EYS: variants seen among roughly 807,000 people sequenced by gnomAD.
EYS encodes EGF-like photoreceptor maintenance factor, also known as protein eyes shut homolog.
Under a neutral mutation model 282.1 loss-of-function variants are expected in EYS, and 250 were observed. That is an observed-to-expected ratio of 0.89 (90% CI 0.80 to 0.98). The LOEUF (loss-of-function observed/expected upper bound fraction) is 0.98, where lower values mean the gene tolerates loss of function less well. Ranked by LOEUF, EYS falls within the 50% of genes least tolerant of loss-of-function variation. The pLI is 0.00. For missense variants in EYS, 4,016 were observed against 3,709.0 expected (o/e 1.08, Z -2.15); for synonymous variants, 1,355 against 1,282.9 (o/e 1.06, Z -1.20).
At chr6:63,929,315 T>C (rs1403994870) in intron 35 of EYS, among the ~76,000 whole-genome samples, 1 of 152,206 alleles carries the variant, frequency 6.6e-6, no homozygotes, top group African/African-American at 2.4e-5. Flanking sequence ...CTGTGTCAAC[T>C]GCTATTTTCT....
chr6:64,820,057 G>C (rs763310490), intron 21 of EYS, among the ~76,000 whole-genome samples: 6 of 152,000 alleles, frequency 3.9e-5, no homozygotes, highest in Non-Finnish European at 7.4e-5. Flanking sequence ...CATTTAATAG[G>C]ATCTAGGTAA....
chr6:65,340,489 T>C (rs542644805), intron 10 of EYS, among the ~76,000 whole-genome samples: 1 of 151,302 alleles, frequency 6.6e-6, no homozygotes, highest in East Asian at 2.0e-4. Context: ...CTATTTACTC[T>C]ATGAAATACT....
At chr6:64,246,018 CAAAAAAAAAAAAAAA>C (rs60121734) in intron 30 of EYS, among the ~76,000 whole-genome samples, 4 of 56,212 alleles carry the variant, frequency 7.1e-5, no homozygotes, top group Admixed American at 3.4e-4. Context: ...AACTCCGTCT[CAAAAAAAAAAAAAAA>C]AAAAAAAAAA....
At chr6:63,858,085 T>C in intron 36 of EYS, among the ~76,000 whole-genome samples, 1 of 152,144 alleles carries the variant, frequency 6.6e-6, no homozygotes, top group Non-Finnish European at 1.5e-5. Context: ...GGTCAGCCTG[T>C]TCAAAGAGCT....
In EYS at chr6:65,008,463, TAAAAA is replaced by T. The variant is rs34508454; in HGVS notation, c.2138-10765_2138-10761del. The stretch of plus-strand genomic sequence containing the variant: ...AGCAGGTGGAACAGGACAAATGGGA[TAAAAA>T]AAAAGGCTACCGCTTTAGTCATGGC... On this transcript the variant is annotated intron_variant, in intron 13 of 42. Transcript: ENST00000503581. 5.6e-4 allele frequency among the ~76,000 whole-genome samples: 85 copies of T among 151,140 alleles called. 1 individual carries two copies. The highest frequency in any genetic ancestry group is 2.1e-3 in the African/African-American group (85 of 41,242).
rs1363047522 is a variant in EYS, at chr6:64,626,150, A to T, written c.3539T>A (p.Ile1180Asn). The T allele has an allele frequency of 6.5e-7, 1 of 1,546,642 alleles. No individual in the cohort carries two copies. The highest frequency in any genetic ancestry group is 2.0e-5 in the Admixed American group (1 of 50,460). The stretch of plus-strand genomic sequence containing the variant: ...TTGGCATTTGCAAACATATCCATTG[A>T]TGTGATCTTCACAGTCTGCACCATG... ...CLHGADCEDHINGYVCKCQPG... is the reference protein window; with the variant it reads ...CLHGADCEDHNNGYVCKCQPG... Residue 1180 changes from isoleucine to asparagine, a missense_variant, in exon 23 of 43, where the codon ATC becomes AAC. Ile to Asn is a moderately radical substitution (Grantham distance 149). Transcript: ENST00000503581.
At chr6:65,523,345 C>A (rs1767441862) in intron 2 of EYS, among the ~76,000 whole-genome samples, 1 of 151,996 alleles carries the variant, frequency 6.6e-6, no homozygotes, top group Admixed American at 6.6e-5. Context: ...TACTATTCAG[C>A]CTGAAAAAAC....
chr6:65,007,286 C>G (rs1771704811), intron 13 of EYS, among the ~76,000 whole-genome samples: 1 of 152,116 alleles, frequency 6.6e-6, no homozygotes, highest in South Asian at 2.1e-4. Context: ...GTCCTTTTAT[C>G]AGATGGGAAA....
At chr6:64,328,459 T>C (rs901538304) in intron 29 of EYS, among the ~76,000 whole-genome samples, 2 of 152,056 alleles carry the variant, frequency 1.3e-5, no homozygotes, top group African/African-American at 4.8e-5. Context: ...ATTGGAAAAG[T>C]CTCAGAGGTC....
At chr6:64,738,983 G>A (rs1162989654) in intron 22 of EYS, among the ~76,000 whole-genome samples, 1 of 152,068 alleles carries the variant, frequency 6.6e-6, no homozygotes, top group Non-Finnish European at 1.5e-5. Context: ...CCTGACCTTA[G>A]GTGGTCAGCC....
intron 35 of EYS, among the ~76,000 whole-genome samples, chr6:63,929,936 A>G (rs1360579281): frequency 2.0e-5 from 3 of 152,206 alleles, no homozygotes; most frequent in Non-Finnish European, 2.9e-5. Context: ...CCTATTAGTT[A>G]TCATTGTACT....
At position 64,140,703 on chromosome 6, in the gene EYS, C is replaced by T. The variant is rs532137955; in HGVS notation, c.6425-58701G>A. On this transcript the variant is annotated intron_variant, in intron 31 of 42. Coordinates refer to ENST00000503581, the MANE Select transcript of EYS (RefSeq NM_001142800.2). ...CAGGCAGTCCTTTCTACACAGCTGG[C>T]TCTCTCACTATAGGTTTTGGCAACT... 7.0e-4 allele frequency among the ~76,000 whole-genome samples: 107 copies of T among 152,216 alleles called. 1 individual carries two copies. The highest frequency in any genetic ancestry group is 4.4e-3 in the Admixed American group (67 of 15,296).
At chr6:64,169,746 T>G (rs1764419735) in intron 31 of EYS, among the ~76,000 whole-genome samples, 1 of 151,970 alleles carries the variant, frequency 6.6e-6, no homozygotes, top group African/African-American at 2.4e-5. Context: ...TCCGGGCCCA[T>G]GGGAGTCTGC....
intron 12 of EYS, among the ~76,000 whole-genome samples, chr6:65,182,039 C>T (rs947474938): frequency 3.3e-5 from 5 of 151,720 alleles, no homozygotes; most frequent in Admixed American, 1.3e-4. Flanking sequence ...AGGGGAACAT[C>T]ACACACCGGG....
intron 31 of EYS, among the ~76,000 whole-genome samples, chr6:64,101,562 A>C (rs1177049064): frequency 1.3e-5 from 2 of 152,154 alleles, no homozygotes; most frequent in East Asian, 1.9e-4. Context: ...TTGGCAACAA[A>C]AAAAAAATGA....
chr6:65,012,789 G>A (rs1463190782), intron 13 of EYS, among the ~76,000 whole-genome samples: 1 of 135,188 alleles, frequency 7.4e-6, no homozygotes, highest in Non-Finnish European at 1.5e-5. Flanking sequence ...AGATGCTCAG[G>A]ACTTCACTTT....
intron 31 of EYS, among the ~76,000 whole-genome samples, chr6:64,176,656 A>G (rs921272513): frequency 5.9e-5 from 9 of 151,898 alleles, no homozygotes; most frequent in Admixed American, 2.0e-4. Context: ...TTTACCATGG[A>G]AAAAAAACTT....
chr6:65,380,445 C>T (rs1323642641), intron 8 of EYS, among the ~76,000 whole-genome samples: 1 of 152,104 alleles, frequency 6.6e-6, no homozygotes, highest in African/African-American at 2.4e-5. Context: ...TGGACCTCTT[C>T]CTTACACCTT....
chr6:65,686,476 A>G (rs1336815324), intron 1 of EYS, among the ~76,000 whole-genome samples: 1 of 152,112 alleles, frequency 6.6e-6, no homozygotes, highest in Admixed American at 6.6e-5. Flanking sequence ...CGACGCGATT[A>G]TGTGGTTATG....
Sources: gnomAD v4.1 joint callset for allele counts (sites outside exome capture counted in the v4.1 genomes callset) on GRCh38, gnomAD v4.1.1 for gene constraint, MANE v1.5 for transcripts, NCBI Gene and HGNC (gene_info 2026-07-23, HGNC 2026-07-21) for gene names.